The following CLDN14 variants were observed in gnomAD, a reference collection of about 807,000 sequenced individuals.
The protein encoded by CLDN14 is claudin-14.
Under a neutral mutation model 2.1 loss-of-function variants are expected in CLDN14, and 2 were observed. That is an observed-to-expected ratio of 0.96 (90% CI 0.39 to 3.01). The LOEUF (loss-of-function observed/expected upper bound fraction) is 3.01, where lower values mean the gene tolerates loss of function less well. Ranked by LOEUF, CLDN14 falls within the 30% of genes most tolerant of loss-of-function variation. CLDN14 has a pLI of 0.09. For synonymous variants in CLDN14, 136 were observed against 154.4 expected (o/e 0.88, Z 0.88); for missense variants, 298 against 328.0 (o/e 0.91, Z 0.71).
At chr21:36,547,301 A>G (rs2087532136) in intron 1 of CLDN14, among the ~76,000 whole-genome samples, 1 of 152,202 alleles carries the variant, frequency 6.6e-6, no homozygotes, top group South Asian at 2.1e-4. Context: ...TTTTTCCTCT[A>G]TCCCCATTTG....
In CLDN14 at chr21:36,509,586, C is replaced by CT. The variant is rs1309492652; in HGVS notation, c.-82+776dup. On this transcript the variant is annotated intron_variant, in intron 2 of 2. Coordinates refer to the CLDN14 transcript ENST00000342108. Reference sequence around the variant, plus strand: ...AACCGCAGATGTCTTAGCAGCATTGCTTTTATTTTTTATTTATTTATTTAT... The same window carrying CT: ...AACCGCAGATGTCTTAGCAGCATTGCTTTTTATTTTTTATTTATTTATTTAT... 2.6e-5 allele frequency among the ~76,000 whole-genome samples: 4 copies of CT among 152,150 alleles called. No individual in the cohort carries two copies. The East Asian group carries it at 5.8e-4, about 22-fold the overall frequency.
intron 2 of CLDN14, among the ~76,000 whole-genome samples, chr21:36,504,414 T>A (rs1023277426): frequency 6.6e-6 from 1 of 152,176 alleles, no homozygotes; most frequent in Non-Finnish European, 1.5e-5. Context: ...TACCATTAAC[T>A]TCCACTAGAT....
chr21:36,542,225 A>G (rs1460231402), intron 1 of CLDN14, among the ~76,000 whole-genome samples: 1 of 152,182 alleles, frequency 6.6e-6, no homozygotes, highest in Non-Finnish European at 1.5e-5. Context: ...GACCTCCTAA[A>G]GTGCTGGGAT....
intron 1 of CLDN14, among the ~76,000 whole-genome samples, chr21:36,534,250 T>A (rs983617605): frequency 3.3e-5 from 5 of 152,046 alleles, no homozygotes; most frequent in Admixed American, 6.6e-5. Flanking sequence ...TACAAAAAAA[T>A]TTTTTCATGC....
At chr21:36,555,738 G>C (rs567982242) in intron 1 of CLDN14, among the ~76,000 whole-genome samples, 11 of 151,934 alleles carry the variant, frequency 7.2e-5, no homozygotes, top group Non-Finnish European at 1.3e-4. Context: ...AGAAGCTCCT[G>C]AGACTGCAAA....
intron 2 of CLDN14, chr21:36,486,985 A>ATT: frequency 5.6e-6 from 2 of 359,792 alleles, no homozygotes; most frequent in South Asian, 2.8e-5. Context: ...GATTTTGTTT[A>ATT]ATTTTTTTTT....
At chr21:36,484,976 T>TGCTG (rs1555846240), upstream of CLDN14, among the ~76,000 whole-genome samples, 1 of 147,196 alleles carries the variant, frequency 6.8e-6, no homozygotes, top group African/African-American at 2.4e-5. Context: ...CCTCCCAAAG[T>TGCTG]GCTGGGATTA....
At chr21:36,495,112 G>T (rs2087003992) in intron 2 of CLDN14, among the ~76,000 whole-genome samples, 1 of 152,168 alleles carries the variant, frequency 6.6e-6, no homozygotes, top group Non-Finnish European at 1.5e-5. Flanking sequence ...TGGATCACCT[G>T]AAGTCAGGAG....
chr21:36,509,647 G>A (rs2087166993), intron 2 of CLDN14, among the ~76,000 whole-genome samples: 1 of 152,070 alleles, frequency 6.6e-6, no homozygotes, highest in African/African-American at 2.4e-5. Flanking sequence ...ACAGGCTGGA[G>A]TGCAGTGGCG....
intron 1 of CLDN14, among the ~76,000 whole-genome samples, chr21:36,474,445 T>C (rs2086749023): frequency 1.3e-5 from 2 of 152,368 alleles, no homozygotes; most frequent in East Asian, 3.9e-4. Context: ...CGTCCATTAC[T>C]AGGAACAGAA....
intron 1 of CLDN14, among the ~76,000 whole-genome samples, chr21:36,553,593 G>A (rs2146518895): frequency 6.6e-6 from 1 of 152,142 alleles, no homozygotes; most frequent in East Asian, 1.9e-4. Context: ...TAGGAAGGGA[G>A]GTGGTTGGGT....
chr21:36,481,616 A>G (rs949064542), upstream of CLDN14, among the ~76,000 whole-genome samples: 1 of 152,220 alleles, frequency 6.6e-6, no homozygotes, highest in African/African-American at 2.4e-5. Context: ...ACAGTGAATG[A>G]AATGGACGTA....
rs559142662 is a variant in CLDN14 at position 36,513,361 on chromosome 21, G to A, written c.-219-2861C>T. 3.3e-5 allele frequency among the ~76,000 whole-genome samples: 5 copies of A among 152,322 alleles called. No individual in the cohort carries two copies. The South Asian group carries it at 8.3e-4, about 25-fold the overall frequency. Reference sequence around the variant, plus strand: ...TTTGAGCCTTAGGGAGCTATCCTGGGGACCAAGCCAAACTCTGAGGATGTT... The same window carrying A: ...TTTGAGCCTTAGGGAGCTATCCTGGAGACCAAGCCAAACTCTGAGGATGTT... On this transcript the variant is annotated intron_variant, in intron 1 of 2. Transcript: ENST00000342108.
intron 1 of CLDN14, among the ~76,000 whole-genome samples, chr21:36,572,621 T>G (rs2087717571): frequency 1.3e-5 from 2 of 152,238 alleles, no homozygotes. Context: ...AAATTCCTTT[T>G]TCTATAATCA....
chr21:36,478,851 C>T lies in CLDN14; in HGVS notation c.-82+644G>A, dbSNP rs542634864. ...GTCCCTCCTGCCCATCCTGGGAAGC[C>T]GTGGCAGCTGTTGGGGATGTGGGGC... On this transcript the variant is annotated intron_variant, in intron 1 of 1. Transcript: ENST00000399135. Among the ~76,000 whole-genome samples, 8 of 152,264 alleles carry T rather than the reference C, an allele frequency of 5.3e-5. No homozygotes were observed. In the East Asian group the frequency reaches 9.7e-4, roughly 18 times the overall value.
intron 1 of CLDN14, among the ~76,000 whole-genome samples, chr21:36,519,610 T>C (rs545129420): frequency 6.6e-6 from 1 of 152,314 alleles, no homozygotes; most frequent in South Asian, 2.1e-4. Flanking sequence ...CTTGGGAGGC[T>C]GAGGCAGGAG....
chr21:36,513,786 A>AGCCC (rs1489117038), intron 1 of CLDN14, among the ~76,000 whole-genome samples: 19 of 152,180 alleles, frequency 1.2e-4, no homozygotes, highest in African/African-American at 4.3e-4. Context: ...TAATACAAGC[A>AGCCC]GCCCCTCAGT....
rs1163637886 is a variant in CLDN14, at chr21:36,461,750, G to A, written c.-55C>T. On this transcript the variant is annotated 5_prime_UTR_variant, in exon 2 of 2. Transcript: ENST00000399135. Reference sequence around the variant, plus strand: ...CAGCTCCCTGGGCCCTCGGGGTCACGCCGCTCCTCAGGTGCCAGCCGGAGC... The same window carrying A: ...CAGCTCCCTGGGCCCTCGGGGTCACACCGCTCCTCAGGTGCCAGCCGGAGC... 4.6e-6 allele frequency: 7 copies of A among 1,536,986 alleles called. No homozygotes were observed. The highest frequency in any genetic ancestry group is 2.5e-5 in the East Asian group (1 of 40,786).
At chr21:36,510,031 A>G (rs16994180) in intron 2 of CLDN14, among the ~76,000 whole-genome samples, 7,656 of 152,304 alleles carry the variant, frequency 0.05, 384 homozygotes, top group African/African-American at 0.13. Context: ...TAAGAGGTCC[A>G]GCCTTTGCTA....
Sources: allele counts gnomAD v4.1 joint callset (sites outside exome capture counted in the v4.1 genomes callset), GRCh38; gene constraint gnomAD v4.1.1; transcripts MANE v1.5; gene names NCBI Gene and HGNC (gene_info 2026-07-23, HGNC 2026-07-21).